CFAP20DC: variants seen among roughly 807,000 people sequenced by gnomAD.
CFAP20DC encodes the protein CFAP20 domain containing.
In CFAP20DC, 84 loss-of-function variants were observed where a neutral mutation model predicts 101.7. The ratio of observed to expected loss-of-function variants is 0.83; its 90% CI spans 0.69 to 0.99. The LOEUF (loss-of-function observed/expected upper bound fraction) is 0.99. Ranked by LOEUF, CFAP20DC falls within the 50% of genes least tolerant of loss-of-function variation. The pLI is 0.00. For missense variants in CFAP20DC, 1,007 were observed against 970.3 expected (o/e 1.04, Z -0.50); for synonymous variants, 359 against 351.2 (o/e 1.02, Z -0.25).
rs1369877410 is a variant in CFAP20DC at position 59,002,821 on chromosome 3, A to G, written c.278+36736T>C. Among the ~76,000 whole-genome samples the G allele has an allele frequency of 2.0e-5, 3 of 152,224 alleles. No homozygotes were observed. The highest frequency in any genetic ancestry group is 6.5e-5 in the Admixed American group (1 of 15,286). On this transcript the variant is annotated intron_variant, in intron 4 of 16. Coordinates refer to ENST00000482387, the MANE Select transcript of CFAP20DC (RefSeq NM_001394063.1). The surrounding 1 kb of genome is among the most constrained non-coding windows in gnomAD (Gnocchi z 4.5). ...CAAGAACTAGTATTTGCCTAGTTTG[A>G]AAAGCACTTCTTATCATCAAACTTA...
At chr3:58,981,596 A>G (rs1473018015) in intron 4 of CFAP20DC, among the ~76,000 whole-genome samples, 3 of 152,252 alleles carry the variant, frequency 2.0e-5, no homozygotes, top group Non-Finnish European at 1.5e-5. Context: ...GAGAAAAACA[A>G]GCAATGGGGA....
chr3:58,850,800 A>T (rs1017964949), intron 12 of CFAP20DC, among the ~76,000 whole-genome samples: 5 of 152,192 alleles, frequency 3.3e-5, no homozygotes, highest in African/African-American at 1.2e-4. Flanking sequence ...ATAGACACAC[A>T]GAACCCAGAA....
intron 12 of CFAP20DC, among the ~76,000 whole-genome samples, chr3:58,854,160 C>A (rs573351049): frequency 3.9e-5 from 6 of 152,084 alleles, no homozygotes; most frequent in South Asian, 2.1e-4. Flanking sequence ...AATCAATGTA[C>A]AAAAATCACA....
chr3:58,967,947 T>C (rs2091688674), intron 4 of CFAP20DC, among the ~76,000 whole-genome samples: 1 of 152,202 alleles, frequency 6.6e-6, no homozygotes, highest in African/African-American at 2.4e-5. Flanking sequence ...CACTTATAAG[T>C]GAGAACATGC....
chr3:58,742,390 T>C lies in CFAP20DC; in HGVS notation c.*70A>G, dbSNP rs1457870889. On this transcript the variant is annotated 3_prime_UTR_variant, in exon 17 of 17. Transcript: ENST00000482387. ...CACCCAACACATAAGTTGTGGTGAC[T>C]CCTTAAGCGACCCTGAACTGCTATT... 1 of 1,428,740 alleles carries C rather than the reference T, an allele frequency of 7.0e-7. No individual in the cohort carries two copies. Among genetic ancestry groups the C allele is most frequent in the East Asian group, 2.6e-5 (1 of 38,660 alleles). 88.5% of individuals were successfully genotyped at this position (1,428,740 alleles called of 1,614,324 possible).
At chr3:58,903,596 GTTC>G (rs1236899866) in intron 6 of CFAP20DC, among the ~76,000 whole-genome samples, 1 of 152,178 alleles carries the variant, frequency 6.6e-6, no homozygotes, top group African/African-American at 2.4e-5. Flanking sequence ...AAGCAAACAT[GTTC>G]TTCTTCATAA....
chr3:58,890,320 A>C (rs1313965610), intron 6 of CFAP20DC, among the ~76,000 whole-genome samples: 1 of 107,356 alleles, frequency 9.3e-6, no homozygotes, highest in African/African-American at 3.6e-5. Flanking sequence ...TGACCCCCCC[A>C]CCTCCCTCCC....
intron 13 of CFAP20DC, among the ~76,000 whole-genome samples, chr3:58,845,836 C>T (rs900200814): frequency 6.6e-6 from 1 of 150,992 alleles, no homozygotes; most frequent in Non-Finnish European, 1.5e-5. Context: ...GGCTTCATCC[C>T]TGGGTTGCAA....
chr3:58,849,123 T>C lies in CFAP20DC; in HGVS notation c.1880A>G (p.Asp627Gly). 6.5e-7 allele frequency: 1 copy of C among 1,536,084 alleles called. No homozygotes were observed. The highest frequency in any genetic ancestry group is 8.7e-7 in the Non-Finnish European group (1 of 1,146,906). Residue 627 changes from aspartate (D) to glycine (G), a missense_variant, in exon 13 of 17, where the codon GAT becomes GGT. Asp to Gly is a moderately conservative substitution (Grantham distance 94). Transcript: ENST00000482387. ...KTPEPVIKAK[D>G]LSAQQVPASL... ...AGCTGGCACTTGCTGGGCTGATAGATCCTTCGCTTTGATTACGGGCTCTGG... is the reference window on the plus strand; with the variant it reads ...AGCTGGCACTTGCTGGGCTGATAGACCCTTCGCTTTGATTACGGGCTCTGG...
chr3:58,722,751 C>G lies in CFAP20DC; in HGVS notation c.198-5123G>C, dbSNP rs948816390. ...CAGTTGCTTTTGAAAGATCCCCCAG[C>G]TGATACAGACTGCTGGTATCCTGCC... On this transcript the variant is annotated intron_variant, in intron 3 of 3. Coordinates refer to the CFAP20DC transcript ENST00000486145. The surrounding 1 kb of genome is among the most constrained non-coding windows in gnomAD (Gnocchi z 4.5). Among the ~76,000 whole-genome samples the G allele has an allele frequency of 2.0e-5, 3 of 152,210 alleles. No individual in the cohort carries two copies. Among genetic ancestry groups the G allele is most frequent in the African/African-American group, 7.2e-5 (3 of 41,450 alleles).
intron 5 of CFAP20DC, among the ~76,000 whole-genome samples, chr3:58,936,413 C>T: frequency 6.6e-6 from 1 of 152,160 alleles, no homozygotes; most frequent in East Asian, 1.9e-4. Flanking sequence ...ACCCAGCCAT[C>T]CCATTACTGG....
At chr3:58,821,462 A>G (rs1427171662) in intron 14 of CFAP20DC, among the ~76,000 whole-genome samples, 1 of 151,976 alleles carries the variant, frequency 6.6e-6, no homozygotes, top group Non-Finnish European at 1.5e-5. Context: ...AAAACAAACA[A>G]CCCCATCAAA....
At chr3:58,742,634 G>A in intron 16 of CFAP20DC, 62 bp from the exon 17 acceptor site, 2 of 1,232,990 alleles carry the variant, frequency 1.6e-6, no homozygotes, top group South Asian at 1.4e-5. Context: ...CCCCAAACAA[G>A]GGCAACGAAG....
intron 14 of CFAP20DC, among the ~76,000 whole-genome samples, chr3:58,823,265 A>G (rs1403697615): frequency 6.6e-6 from 1 of 152,160 alleles, no homozygotes; most frequent in African/African-American, 2.4e-5. Context: ...TTCCTCCCCT[A>G]CAATATGCTT....
At chr3:58,841,349 G>A (rs1395347178) in intron 13 of CFAP20DC, among the ~76,000 whole-genome samples, 1 of 152,162 alleles carries the variant, frequency 6.6e-6, no homozygotes, top group Non-Finnish European at 1.5e-5. Context: ...GAGATGGCTT[G>A]AACAAAGAGT....
intron 5 of CFAP20DC, among the ~76,000 whole-genome samples, chr3:58,922,484 A>T (rs1313599259): frequency 6.6e-6 from 1 of 152,156 alleles, no homozygotes; most frequent in Non-Finnish European, 1.5e-5. Flanking sequence ...GCTTGGTGCC[A>T]TTCTCACGGG....
chr3:58,753,564 G>T, intron 16 of CFAP20DC: 1 of 485,280 alleles, frequency 2.1e-6, no homozygotes, highest in Non-Finnish European at 3.6e-6. Flanking sequence ...ACCTTTAGAA[G>T]AACAAGGGTA....
chr3:59,008,346 A>T (rs1312098989), intron 4 of CFAP20DC, among the ~76,000 whole-genome samples: 1 of 152,082 alleles, frequency 6.6e-6, no homozygotes, highest in Non-Finnish European at 1.5e-5. Flanking sequence ...CCTAATTAAG[A>T]GCTTCCCCAG....
At chr3:58,986,160 AT>A (rs1463402935) in intron 4 of CFAP20DC, among the ~76,000 whole-genome samples, 2 of 152,370 alleles carry the variant, frequency 1.3e-5, no homozygotes, top group African/African-American at 4.8e-5. Flanking sequence ...CCTTCAATTC[AT>A]ACGTAAGTTT....
Sources: allele counts gnomAD v4.1 joint callset (sites outside exome capture counted in the v4.1 genomes callset), GRCh38; gene constraint gnomAD v4.1.1; non-coding constraint Gnocchi (gnomAD v3.1); transcripts MANE v1.5; gene names NCBI Gene and HGNC (gene_info 2026-07-23, HGNC 2026-07-21).